DZIP3: variants seen among roughly 807,000 people sequenced by gnomAD.
The protein encoded by DZIP3 is E3 ubiquitin-protein ligase DZIP3.
A neutral mutation model predicts 162.0 loss-of-function variants in DZIP3; 118 were observed. The observed-to-expected ratio is 0.73, with a 90% CI of 0.63 to 0.85. The LOEUF (loss-of-function observed/expected upper bound fraction) is 0.85. Among genes scored for constraint, DZIP3 ranks in the 40% least tolerant of loss-of-function variants. The pLI is 0.00. For synonymous variants in DZIP3, 438 were observed against 458.6 expected, an observed-to-expected ratio of 0.96 and a Z score of 0.57; for missense variants, 1,331 against 1,407.0, an observed-to-expected ratio of 0.95 and a Z score of 0.86.
At chr3:108,665,470 C>A (rs972067244) in intron 21 of DZIP3, among the ~76,000 whole-genome samples, 1 of 151,946 alleles carries the variant, frequency 6.6e-6, no homozygotes, top group Non-Finnish European at 1.5e-5. Flanking sequence ...GTCTAAAGGA[C>A]CTTTGAGCCA....
intron 5 of DZIP3, among the ~76,000 whole-genome samples, chr3:108,622,859 T>TCC (rs1695752775): frequency 9.0e-6 from 1 of 111,282 alleles, no homozygotes; most frequent in Admixed American, 9.1e-5. Context: ...TCTCTCTCTC[T>TCC]CTCTCTCTCT....
At chr3:108,594,880 A>T (rs915909195) in intron 1 of DZIP3, among the ~76,000 whole-genome samples, 1 of 152,168 alleles carries the variant, frequency 6.6e-6, no homozygotes, top group African/African-American at 2.4e-5. Flanking sequence ...TTCACAGCAG[A>T]AAGTAAAGGC....
chr3:108,609,719 T>C (rs567922117), intron 3 of DZIP3, among the ~76,000 whole-genome samples: 22 of 152,268 alleles, frequency 1.4e-4, no homozygotes, highest in African/African-American at 5.1e-4. Flanking sequence ...TGCATGCCTG[T>C]ATTTCCAGCT....
rs57047978 is a variant in DZIP3, at chr3:108,653,507, G to GTATATATATATA, written c.2034-614_2034-603dup. On this transcript the variant is annotated intron_variant, in intron 18 of 32. Coordinates refer to ENST00000361582, the MANE Select transcript of DZIP3 (RefSeq NM_014648.4). ...TGGTTAATTGCCATTGTGTGTGTGT[G>GTATATATATATA]TATATATATATATATATATATATAT... 8.9e-3 allele frequency among the ~76,000 whole-genome samples: 931 copies of GTATATATATATA among 104,134 alleles called. 27 individuals carry two copies. The highest frequency in any genetic ancestry group is 0.014 in the Non-Finnish European group (681 of 49,464). 68.3% of individuals were successfully genotyped at this position (104,134 alleles called of 152,430 possible).
Position 108,636,688 on chromosome 3 carries a change from C to T in DZIP3, c.991C>T (p.Pro331Ser), listed in dbSNP as rs1942163043. ...DMVRMLQCDV[P>S]GIVKILFEVV... ...GGTAAGGATGCTGCAATGTGATGTA[C>T]CTGGAATTGTTAAAATTTTGGTGAG... Residue 331 changes from proline (P) to serine (S), a missense_variant, in exon 11 of 33, where the codon CCT becomes TCT. Physicochemically the swap from Pro to Ser is moderately conservative, Grantham distance 74. This residue lies in a region of DZIP3 where 1,278 missense variants were observed against 1,317.1 expected (regional missense o/e 0.97). Transcript: ENST00000361582. The T allele has an allele frequency of 9.5e-6, 15 of 1,576,436 alleles. No individual in the cohort carries two copies. The highest frequency in any genetic ancestry group is 1.2e-5 in the South Asian group (1 of 82,688).
At chr3:108,661,467 A>G (rs1291685723) in intron 19 of DZIP3, among the ~76,000 whole-genome samples, 1 of 152,172 alleles carries the variant, frequency 6.6e-6, no homozygotes, top group Non-Finnish European at 1.5e-5. Flanking sequence ...GGGGAACATC[A>G]CACATCGGGG....
At chr3:108,662,846 A>G (rs1943502241) in intron 21 of DZIP3, among the ~76,000 whole-genome samples, 1 of 152,190 alleles carries the variant, frequency 6.6e-6, no homozygotes, top group Non-Finnish European at 1.5e-5. Context: ...ACTGCTTCCA[A>G]CCTGTATTTG....
At chr3:108,680,754 A>T (rs1393414004) in intron 26 of DZIP3, among the ~76,000 whole-genome samples, 1 of 152,152 alleles carries the variant, frequency 6.6e-6, no homozygotes, top group Non-Finnish European at 1.5e-5. Flanking sequence ...ACCAAAACAG[A>T]TATATAGACC....
chr3:108,686,970 C>A (rs1202178262), intron 28 of DZIP3, among the ~76,000 whole-genome samples: 1 of 152,056 alleles, frequency 6.6e-6, no homozygotes, highest in Admixed American at 6.5e-5. Context: ...GATTTAATTT[C>A]CTAATTTCCT....
chr3:108,616,369 A>T (rs1226024467), intron 4 of DZIP3, among the ~76,000 whole-genome samples, 172 bp from the exon 5 acceptor site: 1 of 151,866 alleles, frequency 6.6e-6, no homozygotes, highest in Non-Finnish European at 1.5e-5. Context: ...ACTACTTAAA[A>T]GCAAACATAT....
At chr3:108,597,169 A>G (rs1939756784) in intron 1 of DZIP3, among the ~76,000 whole-genome samples, 1 of 152,200 alleles carries the variant, frequency 6.6e-6, no homozygotes, top group Non-Finnish European at 1.5e-5. Context: ...TTTCTTTCAC[A>G]AGTATCAAGT....
intron 1 of DZIP3, 81 bp from the exon 2 acceptor site, chr3:108,605,254 C>A: frequency 9.5e-7 from 1 of 1,049,362 alleles, no homozygotes; most frequent in Non-Finnish European, 1.4e-6. Flanking sequence ...AGATTTTCTT[C>A]AAATGATCAC....
At chr3:108,686,393 G>A (rs1576473698) in intron 27 of DZIP3, 52 bp from the exon 28 acceptor site, 1 of 1,454,630 alleles carries the variant, frequency 6.9e-7, no homozygotes, top group Admixed American at 2.5e-5. Context: ...GTATAGGAAT[G>A]TCACTTCTTA....
intron 8 of DZIP3, among the ~76,000 whole-genome samples, chr3:108,631,549 T>TA (rs1177028894): frequency 2.0e-5 from 3 of 147,404 alleles, no homozygotes; most frequent in Non-Finnish European, 3.0e-5. Flanking sequence ...GCTAATTTTT[T>TA]AAAAAAAATT....
chr3:108,662,658 T>C (rs983075807), intron 21 of DZIP3, among the ~76,000 whole-genome samples: 6 of 152,234 alleles, frequency 3.9e-5, no homozygotes, highest in African/African-American at 1.4e-4. Flanking sequence ...ATTTGTGTTC[T>C]AAGCCTGCGA....
intron 1 of DZIP3, among the ~76,000 whole-genome samples, chr3:108,603,832 G>C (rs1052902455): frequency 6.6e-6 from 1 of 152,160 alleles, no homozygotes; most frequent in Non-Finnish European, 1.5e-5. Flanking sequence ...TTTTACAGAT[G>C]ATTTCCACAG....
intron 32 of DZIP3, 118 bp from the exon 33 acceptor site, chr3:108,693,239 AAAG>A (rs1327348975): frequency 7.2e-5 from 11 of 152,118 alleles, no homozygotes; most frequent in South Asian, 4.1e-4. Flanking sequence ...ACAAAAAAAA[AAAG>A]AAGTAGGAAA....
Position 108,662,249 on chromosome 3 carries a change from G to A in DZIP3, c.2415G>A (p.Lys805=). 6.9e-6 allele frequency: 11 copies of A among 1,588,228 alleles called. No homozygotes were observed. Among genetic ancestry groups the A allele is most frequent in the Non-Finnish European group, 9.4e-6 (11 of 1,173,086 alleles). ...AACAAGTTGCTTTTGGAATCAATAA[G>A]GTTTCCAAGTAAGTGTAAATCTTTT... is the stretch of plus-strand genomic sequence containing the variant. ...LNQQVAFGIN[K]VSKLQRQIHA... Residue 805 remains lysine, a synonymous_variant, in exon 21 of 33, where the codon AAG becomes AAA. Transcript: ENST00000361582.
At chr3:108,622,452 C>G (rs1414179141) in intron 5 of DZIP3, among the ~76,000 whole-genome samples, 2 of 152,128 alleles carry the variant, frequency 1.3e-5, no homozygotes, top group African/African-American at 4.8e-5. Flanking sequence ...ACATGTTTGT[C>G]TCTCTGGGAT....
Sources: allele counts gnomAD v4.1 joint callset (sites outside exome capture counted in the v4.1 genomes callset), GRCh38; gene constraint gnomAD v4.1.1; regional missense constraint gnomAD v4.1.1; transcripts MANE v1.5; gene names NCBI Gene and HGNC (gene_info 2026-07-23, HGNC 2026-07-21).